The following TMEM87A variants were observed in gnomAD, a reference collection of about 807,000 sequenced individuals.
TMEM87A encodes the protein transmembrane protein 87A.
In TMEM87A, 50 loss-of-function variants were observed where a neutral mutation model predicts 90.0. The observed-to-expected ratio is 0.56, with a 90% CI of 0.44 to 0.70. TMEM87A has a LOEUF of 0.70. Ranked by LOEUF, TMEM87A falls within the 30% of genes least tolerant of loss-of-function variation. The probability of loss-of-function intolerance (pLI) is 0.00; values close to 1 mark genes in which losing one functional copy is unlikely to be tolerated. For synonymous variants in TMEM87A, 226 were observed against 226.7 expected, an observed-to-expected ratio of 1.00 and a Z score of 0.03; for missense variants, 577 against 660.5, an observed-to-expected ratio of 0.87 and a Z score of 1.39.
chr15:42,264,675 A>G (rs995041852), intron 3 of TMEM87A, among the ~76,000 whole-genome samples: 3 of 88,472 alleles, frequency 3.4e-5, no homozygotes, highest in Admixed American at 3.3e-4. Context: ...AACTATATAT[A>G]TGTGTGTGTA....
At chr15:42,247,558 T>G (rs1275751297) in intron 6 of TMEM87A, among the ~76,000 whole-genome samples, 6 of 152,170 alleles carry the variant, frequency 3.9e-5, no homozygotes, top group African/African-American at 9.7e-5. Flanking sequence ...TTTTCCCATT[T>G]CTTGTTTTTG....
intron 9 of TMEM87A, among the ~76,000 whole-genome samples, chr15:42,236,809 C>T (rs1209456815): frequency 6.6e-6 from 1 of 152,182 alleles, no homozygotes; most frequent in Non-Finnish European, 1.5e-5. Flanking sequence ...GCATGTACAG[C>T]TTAACTTTTT....
intron 6 of TMEM87A, among the ~76,000 whole-genome samples, chr15:42,245,754 A>C (rs562664307): frequency 6.6e-6 from 1 of 151,136 alleles, no homozygotes; most frequent in Non-Finnish European, 1.5e-5. Flanking sequence ...CTGGTCTCGA[A>C]CTCCTGACCT....
chr15:42,265,200 T>A (rs778187204), intron 3 of TMEM87A, among the ~76,000 whole-genome samples: 2 of 152,200 alleles, frequency 1.3e-5, no homozygotes, highest in Non-Finnish European at 2.9e-5. Context: ...GGTAGAATGA[T>A]TTATATTACT....
chr15:42,221,047 G>A (rs1208132039), intron 15 of TMEM87A, among the ~76,000 whole-genome samples: 2 of 152,206 alleles, frequency 1.3e-5, no homozygotes, highest in African/African-American at 4.8e-5. Context: ...GGCTGAGACA[G>A]CCTCAGGTGA....
rs550463330 is a variant in TMEM87A, at chr15:42,256,373, C to T, written c.504+4585G>A. The stretch of plus-strand genomic sequence containing the variant: ...CCAGACTAGTCTCAAACCCTGGCTT[C>T]AAGTGATTCACCCACCTTGGGCCTT... On this transcript the variant is annotated intron_variant, in intron 6 of 19. Transcript: ENST00000389834. Among the ~76,000 whole-genome samples the T allele has an allele frequency of 7.2e-5, 11 of 152,252 alleles. 1 individual carries two copies. The South Asian group carries it at 2.3e-3, about 32-fold the overall frequency.
At chr15:42,241,231 T>G (rs1353851499) in intron 7 of TMEM87A, among the ~76,000 whole-genome samples, 3 of 152,148 alleles carry the variant, frequency 2.0e-5, no homozygotes, top group African/African-American at 7.2e-5. Flanking sequence ...GAGTAAGATG[T>G]TTTCTGCCAT....
chr15:42,232,643 T>C (rs930943488), intron 11 of TMEM87A, among the ~76,000 whole-genome samples: 1 of 151,520 alleles, frequency 6.6e-6, no homozygotes, highest in Admixed American at 6.6e-5. Flanking sequence ...CCAGCTAATT[T>C]CTCGTATTTT....
intron 6 of TMEM87A, among the ~76,000 whole-genome samples, chr15:42,250,009 T>C (rs1333707753): frequency 2.0e-5 from 3 of 152,256 alleles, no homozygotes; most frequent in Non-Finnish European, 4.4e-5. Flanking sequence ...AATTGACCCC[T>C]TTACCATTAT....
chr15:42,244,639 C>T (rs1008743898), intron 6 of TMEM87A, among the ~76,000 whole-genome samples: 1 of 150,674 alleles, frequency 6.6e-6, no homozygotes, highest in African/African-American at 2.4e-5. Flanking sequence ...AGAATTTCTG[C>T]TGACATGGTC....
chr15:42,237,489 G>A lies in TMEM87A; in HGVS notation c.811C>T (p.Leu271Phe). 1 of 1,614,094 alleles carries A rather than the reference G, an allele frequency of 6.2e-7. No individual in the cohort carries two copies. Among genetic ancestry groups the A allele is most frequent in the Non-Finnish European group, 8.5e-7 (1 of 1,180,022 alleles). ...WIGAVIFLGM[L>F]EKAVFYAEFQ... is the part of the protein sequence containing the mutation. The stretch of plus-strand genomic sequence containing the variant: ...TCCGCATAGAAGACAGCTTTCTCAA[G>A]CATTCCCAGGAAGATGACAGCACCA... Residue 271 changes from leucine to phenylalanine, a missense_variant, in exon 9 of 20, where the codon CTT becomes TTT. By Grantham distance (22) the Leu-to-Phe change is conservative. Transcript: ENST00000389834.
upstream of TMEM87A, chr15:42,273,551 A>T (rs1225881111): frequency 3.0e-6 from 4 of 1,329,366 alleles, no homozygotes; most frequent in Non-Finnish European, 3.0e-6. Context: ...TCTCTCAGAC[A>T]GTCGTCTGTG....
chr15:42,220,039 TAAG>T lies in TMEM87A; in HGVS notation c.1477+20_1477+22del. 1.3e-6 allele frequency: 2 copies of T among 1,561,952 alleles called. No individual in the cohort carries two copies. The highest frequency in any genetic ancestry group is 4.5e-5 in the East Asian group (2 of 44,406). On this transcript the variant is annotated intron_variant, in intron 16 of 19. Coordinates refer to ENST00000389834, the MANE Select transcript of TMEM87A (RefSeq NM_015497.5). Reference sequence around the variant, plus strand: ...AGAAAAATAATATTTAAAGTACTAATAAGAGGTGAATTTTATTATTACCAAAGC... The same window carrying T: ...AGAAAAATAATATTTAAAGTACTAATAGGTGAATTTTATTATTACCAAAGC...
At chr15:42,223,367 T>G (rs2050531816) in intron 15 of TMEM87A, among the ~76,000 whole-genome samples, 1 of 152,200 alleles carries the variant, frequency 6.6e-6, no homozygotes, top group South Asian at 2.1e-4. Context: ...CACTCCAGCC[T>G]TGGCTTCAGA....
intron 6 of TMEM87A, among the ~76,000 whole-genome samples, chr15:42,252,686 G>T (rs1185141283): frequency 1.3e-5 from 2 of 151,772 alleles, no homozygotes; most frequent in African/African-American, 4.8e-5. Context: ...ATGTTCTCCT[G>T]GTTTCCTTTA....
intron 15 of TMEM87A, among the ~76,000 whole-genome samples, chr15:42,222,132 C>T (rs1043029425): frequency 6.6e-6 from 1 of 152,190 alleles, no homozygotes; most frequent in African/African-American, 2.4e-5. Context: ...GCGATCTCAG[C>T]TCACAGCAAC....
intron 17 of TMEM87A, among the ~76,000 whole-genome samples, chr15:42,219,228 A>G (rs2140914472): frequency 6.6e-6 from 1 of 152,306 alleles, no homozygotes; most frequent in African/African-American, 2.4e-5. Flanking sequence ...ATGTATATTC[A>G]GGTCCATTGC....
chr15:42,273,216 G>T (rs747128279), intron 1 of TMEM87A, 39 bp downstream of exon 1: 64 of 1,610,228 alleles, frequency 4.0e-5, no homozygotes, highest in Non-Finnish European at 5.4e-5. Context: ...CCCACCCCTT[G>T]CTCCTCTAGG....
intron 7 of TMEM87A, among the ~76,000 whole-genome samples, chr15:42,243,628 T>G (rs2050915608): frequency 6.6e-6 from 1 of 150,484 alleles, no homozygotes; most frequent in Non-Finnish European, 1.5e-5. Context: ...CAAGCGATTC[T>G]CCCGCCTCAG....
Sources: allele counts gnomAD v4.1 joint callset (sites outside exome capture counted in the v4.1 genomes callset), GRCh38; gene constraint gnomAD v4.1.1; transcripts MANE v1.5; gene names NCBI Gene and HGNC (gene_info 2026-07-23, HGNC 2026-07-21).